IFT140: variants seen among roughly 807,000 people sequenced by gnomAD.
IFT140 encodes intraflagellar transport protein 140 homolog.
IFT140 carries 133 observed loss-of-function variants against 164.6 expected under a neutral mutation model. The observed-to-expected ratio is 0.81, with a 90% confidence interval of 0.70 to 0.93. The LOEUF is 0.93. Among genes scored for constraint, IFT140 ranks in the 40% least tolerant of loss-of-function variants. The probability of loss-of-function intolerance (pLI) is 0.00; values close to 1 mark genes in which losing one functional copy is unlikely to be tolerated. For synonymous variants in IFT140, 860 were observed against 817.3 expected (o/e 1.05, Z -0.89); for missense variants, 2,045 against 1,972.3 (o/e 1.04, Z -0.70).
At chr16:1,608,850 G>C (rs2036207200) in intron 2 of IFT140, among the ~76,000 whole-genome samples, 1 of 151,946 alleles carries the variant, frequency 6.6e-6, no homozygotes, top group Admixed American at 6.6e-5. Flanking sequence ...CAAGTAGCTG[G>C]GATTACCTCT....
chr16:1,570,054 T>C (rs2033940549), intron 14 of IFT140, among the ~76,000 whole-genome samples: 1 of 152,044 alleles, frequency 6.6e-6, no homozygotes, highest in East Asian at 1.9e-4. Context: ...CTTTATGAGG[T>C]TTTTTGGTTT....
intron 22 of IFT140, 118 bp from the exon 23 acceptor site, chr16:1,525,034 G>A: frequency 1.4e-6 from 2 of 1,424,552 alleles, no homozygotes; most frequent in Non-Finnish European, 1.9e-6. Context: ...CAAACAGGCT[G>A]GGCCAAGAGT....
intron 26 of IFT140, among the ~76,000 whole-genome samples, chr16:1,521,554 A>C (rs1171675528): frequency 1.3e-5 from 2 of 151,262 alleles, no homozygotes; most frequent in African/African-American, 4.9e-5. Context: ...ATGCCCGGCT[A>C]ATTTTGTAAT....
At chr16:1,537,809 C>T (rs766523066) in intron 19 of IFT140, among the ~76,000 whole-genome samples, 10 of 152,190 alleles carry the variant, frequency 6.6e-5, no homozygotes, top group African/African-American at 1.2e-4. Context: ...CAGAGCCTGG[C>T]GCTAGCTGAG....
chr16:1,567,204 G>A (rs994236483), intron 15 of IFT140, among the ~76,000 whole-genome samples: 15 of 152,110 alleles, frequency 9.9e-5, no homozygotes, highest in Non-Finnish European at 2.2e-4. Flanking sequence ...TGGCTGCCAC[G>A]GGGACCAAGT....
At chr16:1,583,078 T>C (rs547882072) in intron 12 of IFT140, among the ~76,000 whole-genome samples, 54 of 152,304 alleles carry the variant, frequency 3.5e-4, no homozygotes, top group Admixed American at 1.0e-3. Flanking sequence ...ACCTCCTCCC[T>C]GGAAGGAACC....
rs778119075 is a variant in IFT140 at position 1,566,261 on chromosome 16, A to C, written c.1801T>G (p.Phe601Val). Residue 601 changes from phenylalanine (F) to valine (V), a missense_variant, in exon 16 of 31, where the codon TTC becomes GTC. Physicochemically the swap from Phe to Val is conservative, Grantham distance 50. Transcript: ENST00000426508. The stretch of plus-strand genomic sequence containing the variant: ...ACTGTGTCCATTTCAACATCGTAGA[A>C]GCAGATTTTGGAATCAGGGCTGTTG... ...ADNSPDSKIC[F>V]YDVEMDTVTV... The C allele has an allele frequency of 6.2e-7, 1 of 1,613,806 alleles. No homozygotes were observed. The highest frequency in any genetic ancestry group is 1.1e-5 in the South Asian group (1 of 91,070).
chr16:1,523,235 A>C (rs1458263629), intron 26 of IFT140, among the ~76,000 whole-genome samples: 2 of 146,434 alleles, frequency 1.4e-5, no homozygotes, highest in Non-Finnish European at 3.0e-5. Context: ...AAAAAAAAAA[A>C]GGCTAAGATG....
At chr16:1,548,609 G>A (rs1312172032) in intron 19 of IFT140, among the ~76,000 whole-genome samples, 1 of 152,334 alleles carries the variant, frequency 6.6e-6, no homozygotes, top group South Asian at 2.1e-4. Context: ...TCAGGAAACA[G>A]GACAATGAGG....
chr16:1,571,328 T>C (rs2034000677), intron 14 of IFT140, 79 bp downstream of exon 14: 2 of 1,410,236 alleles, frequency 1.4e-6, no homozygotes, highest in Non-Finnish European at 1.9e-6. Flanking sequence ...TTCTGGCTTC[T>C]AACTCACTTT....
chr16:1,560,201 G>T (rs562153609), intron 18 of IFT140, among the ~76,000 whole-genome samples: 2 of 152,184 alleles, frequency 1.3e-5, no homozygotes, highest in Non-Finnish European at 2.9e-5. Context: ...CATTGACAGA[G>T]CAGGGAGCCC....
chr16:1,553,216 C>G lies in IFT140; in HGVS notation c.2399+4719G>C, dbSNP rs2032816228. ...TCCCTGTGTCTCTGTCTCTGTCTCT[C>G]TCTGTCTCCATCTGTCTCTGTGTCT... On this transcript the variant is annotated intron_variant, in intron 19 of 30. Coordinates refer to ENST00000426508, the MANE Select transcript of IFT140 (RefSeq NM_014714.4). This position sits in a 1 kb window ranked among gnomAD's most constrained non-coding sequence, Gnocchi z 4.4. 4 of 981,380 alleles carry G rather than the reference C, an allele frequency of 4.1e-6. No individual in the cohort carries two copies. Among genetic ancestry groups the G allele is most frequent in the Non-Finnish European group, 4.8e-6 (4 of 826,262 alleles). The allele number at this position is 981,380 out of a possible 1,614,324, so 60.8% of individuals were successfully genotyped here. A position where few individuals can be genotyped will look rare whatever the true frequency, so the allele number is the denominator to read the frequency against.
chr16:1,524,563 G>A lies in IFT140; in HGVS notation c.3130C>T (p.Arg1044Cys), dbSNP rs574483494. 14 of 1,611,632 alleles carry A rather than the reference G, an allele frequency of 8.7e-6. No homozygotes were observed. The highest frequency in any genetic ancestry group is 6.7e-5 in the East Asian group (3 of 44,798). Reference sequence around the variant, plus strand: ...CGGGCCCGTGGTACCTTGCACAGGCGGATGGCATTCTTGAAGGCCTGTGCC... The same window carrying A: ...CGGGCCCGTGGTACCTTGCACAGGCAGATGGCATTCTTGAAGGCCTGTGCC... The part of the protein sequence containing the change: ...TRAQAFKNAI[R>C]LCKENGLDDQ... Residue 1044 changes from arginine to cysteine, a missense_variant, in exon 24 of 31, where the codon CGC becomes TGC. Physicochemically the swap from Arg to Cys is radical, Grantham distance 180. Coordinates refer to ENST00000426508, the MANE Select transcript of IFT140 (RefSeq NM_014714.4).
intron 19 of IFT140, among the ~76,000 whole-genome samples, chr16:1,538,521 T>G (rs1331613490): frequency 2.0e-5 from 3 of 152,094 alleles, no homozygotes; most frequent in African/African-American, 7.2e-5. Context: ...CCCCCTTCAT[T>G]CTGGTCTTTC....
At chr16:1,534,764 C>T (rs977821773) in intron 19 of IFT140, among the ~76,000 whole-genome samples, 2 of 150,946 alleles carry the variant, frequency 1.3e-5, no homozygotes, top group African/African-American at 4.8e-5. Flanking sequence ...TGGCCCCACA[C>T]ACTCCTCCTG....
rs1395998429 is a variant in IFT140, at chr16:1,553,037, C to T, written c.2399+4898G>A. 4.1e-6 allele frequency: 4 copies of T among 985,420 alleles called. No individual in the cohort carries two copies. The highest frequency in any genetic ancestry group is 1.7e-5 in the African/African-American group (1 of 57,346). 61.0% of individuals were successfully genotyped at this position (985,420 alleles called of 1,614,324 possible). On this transcript the variant is annotated intron_variant, in intron 19 of 30. Transcript: ENST00000426508. This position sits in a 1 kb window ranked among gnomAD's most constrained non-coding sequence, Gnocchi z 4.4. ...CATGAAGTATTATAAAGAATGAACACAGAAACCAGTCACTGTCATTGTTCA... is the reference window on the plus strand; with the variant it reads ...CATGAAGTATTATAAAGAATGAACATAGAAACCAGTCACTGTCATTGTTCA...
At chr16:1,540,141 C>G (rs911624999) in intron 19 of IFT140, among the ~76,000 whole-genome samples, 4 of 152,194 alleles carry the variant, frequency 2.6e-5, no homozygotes, top group Non-Finnish European at 5.9e-5. Context: ...CTGAGACGAT[C>G]CCACACACCA....
intron 4 of IFT140, among the ~76,000 whole-genome samples, chr16:1,593,327 T>C (rs2035288770): frequency 6.6e-6 from 1 of 152,106 alleles, no homozygotes; most frequent in African/African-American, 2.4e-5. Flanking sequence ...TTTTTTTTTT[T>C]TTGAGATGGA....
chr16:1,530,606 C>G (rs2030364520), intron 19 of IFT140: 1 of 152,238 alleles, frequency 6.6e-6, no homozygotes, highest in African/African-American at 2.4e-5. Context: ...TGGAAAATCA[C>G]AAACAAGCAC....
Sources: allele counts gnomAD v4.1 joint callset (sites outside exome capture counted in the v4.1 genomes callset), GRCh38; gene constraint gnomAD v4.1.1; non-coding constraint Gnocchi (gnomAD v3.1); transcripts MANE v1.5; gene names NCBI Gene and HGNC (gene_info 2026-07-23, HGNC 2026-07-21).